The following RANBP2 variants were observed in gnomAD, a reference collection of about 807,000 sequenced individuals.
The protein encoded by RANBP2 is RAN binding protein 2, also known as E3 SUMO-protein ligase RanBP2.
Under a neutral mutation model 303.6 loss-of-function variants are expected in RANBP2, and 57 were observed. That is an observed-to-expected ratio of 0.19 (90% CI 0.15 to 0.23). RANBP2 has a LOEUF of 0.23. Among genes scored for constraint, RANBP2 ranks in the 10% least tolerant of loss-of-function variants. The probability of loss-of-function intolerance (pLI) is 1.00; values close to 1 mark genes in which losing one functional copy is unlikely to be tolerated. For missense variants in RANBP2, 3,138 were observed against 3,780.8 expected, an observed-to-expected ratio of 0.83 and a Z score of 4.46; for synonymous variants, 1,167 against 1,301.5, an observed-to-expected ratio of 0.90 and a Z score of 2.23.
the RANBP2 span, chr2:109,398,926 T>C: frequency 6.2e-7 from 1 of 1,612,230 alleles, no homozygotes; most frequent in Non-Finnish European, 8.5e-7. Flanking sequence ...TCATCTGTCG[T>C]GCGCTGCTCC....
chr2:109,116,197 G>A, the RANBP2 span, among the ~76,000 whole-genome samples: 1 of 152,232 alleles, frequency 6.6e-6, no homozygotes, highest in Admixed American at 6.5e-5. Flanking sequence ...GATTGGGGAA[G>A]TTCTCCTGGA....
chr2:108,804,829 G>T, the RANBP2 span: 1 of 1,374,096 alleles, frequency 7.3e-7, no homozygotes, highest in Non-Finnish European at 9.5e-7. Flanking sequence ...ACGTTCCATA[G>T]TATTAGTGAT....
the RANBP2 span, among the ~76,000 whole-genome samples, chr2:109,232,432 C>T: frequency 6.6e-6 from 1 of 152,198 alleles, no homozygotes; most frequent in Non-Finnish European, 1.5e-5. Flanking sequence ...TCTCTGAGCC[C>T]TGGTCTGCCT....
chr2:108,742,729 C>T (rs1365363713), intron 7 of RANBP2, among the ~76,000 whole-genome samples: 1 of 152,192 alleles, frequency 6.6e-6, no homozygotes, highest in Non-Finnish European at 1.5e-5. Flanking sequence ...GTGAGGTTCA[C>T]TAGGTAATAC....
At chr2:108,960,089 C>T in the RANBP2 span, among the ~76,000 whole-genome samples, 1 of 152,162 alleles carries the variant, frequency 6.6e-6, no homozygotes, top group Admixed American at 6.5e-5. Context: ...GCCTGTCCAC[C>T]CTGCACACCC....
chr2:108,935,379 T>C, the RANBP2 span, among the ~76,000 whole-genome samples: 1 of 152,184 alleles, frequency 6.6e-6, no homozygotes, highest in African/African-American at 2.4e-5. Flanking sequence ...TCATTAGAAA[T>C]GCAGAATCTC....
At chr2:109,014,822 C>T in the RANBP2 span, among the ~76,000 whole-genome samples, 5 of 152,104 alleles carry the variant, frequency 3.3e-5, no homozygotes, top group Non-Finnish European at 5.9e-5. Flanking sequence ...TCCTCATCTA[C>T]AAATAAAGAT....
chr2:109,536,752 C>G, the RANBP2 span, among the ~76,000 whole-genome samples: 2 of 152,064 alleles, frequency 1.3e-5, no homozygotes, highest in Admixed American at 6.6e-5. Flanking sequence ...TGAATTCCTA[C>G]GTATTGTGGG....
At chr2:108,792,831 G>A in the RANBP2 span, among the ~76,000 whole-genome samples, 4 of 152,150 alleles carry the variant, frequency 2.6e-5, no homozygotes, top group Non-Finnish European at 5.9e-5. Flanking sequence ...TTGGGAGGCC[G>A]AGGCGGGTGG....
the RANBP2 span, among the ~76,000 whole-genome samples, chr2:109,005,072 C>G: frequency 1.3e-5 from 2 of 152,210 alleles, no homozygotes; most frequent in African/African-American, 4.8e-5. Flanking sequence ...CCCCTGGCCT[C>G]TTCACTAGTC....
chr2:109,081,692 G>A, the RANBP2 span, among the ~76,000 whole-genome samples: 31,279 of 152,036 alleles, frequency 0.21, 5,134 homozygotes, highest in East Asian at 0.64. Flanking sequence ...CACCTGCTGT[G>A]GTAACTCATT....
At position 108,766,107 on chromosome 2, in the gene RANBP2, G is replaced by A; in HGVS notation, c.5568G>A (p.Glu1856=). ...AAGCTTCTAAGTTTGGCAATACAGAGCAAGGATTCAAATTTGGGCATGTGG... is the reference window on the plus strand; with the variant it reads ...AAGCTTCTAAGTTTGGCAATACAGAACAAGGATTCAAATTTGGGCATGTGG... ...SEKASKFGNT[E]QGFKFGHVDQ... The change falls in exon 20 of 29, where the codon GAG becomes GAA. Residue 1856 remains glutamate (E), a synonymous_variant. Coordinates refer to ENST00000283195, the MANE Select transcript of RANBP2 (RefSeq NM_006267.5). 3.7e-6 allele frequency: 6 copies of A among 1,614,048 alleles called. No individual in the cohort carries two copies. The highest frequency in any genetic ancestry group is 5.1e-6 in the Non-Finnish European group (6 of 1,180,002).
At chr2:109,250,283 C>T in the RANBP2 span, among the ~76,000 whole-genome samples, 1 of 152,102 alleles carries the variant, frequency 6.6e-6, no homozygotes, top group East Asian at 1.9e-4. Flanking sequence ...CTGGGGAAGA[C>T]ATCTCGCCCA....
chr2:109,136,468 A>G, the RANBP2 span, among the ~76,000 whole-genome samples: 1 of 152,196 alleles, frequency 6.6e-6, no homozygotes, highest in Non-Finnish European at 1.5e-5. Flanking sequence ...CAGGCACCCC[A>G]TAATGTGAGC....
At chr2:109,427,388 C>T in the RANBP2 span, among the ~76,000 whole-genome samples, 9 of 152,138 alleles carry the variant, frequency 5.9e-5, no homozygotes, top group Admixed American at 3.3e-4. Context: ...ACCAAAAATT[C>T]GGGTGACAGT....
the RANBP2 span, among the ~76,000 whole-genome samples, chr2:109,505,091 G>C: frequency 2.0e-5 from 3 of 152,178 alleles, no homozygotes; most frequent in African/African-American, 7.2e-5. Context: ...TGTCTCTCTG[G>C]CCCTTGGGGC....
chr2:108,791,746 A>T, the RANBP2 span: 4 of 1,605,874 alleles, frequency 2.5e-6, no homozygotes, highest in East Asian at 4.5e-5. Flanking sequence ...ATTGAAAATG[A>T]TTATAGAGTT....
the RANBP2 span, among the ~76,000 whole-genome samples, chr2:109,512,021 G>A: frequency 6.6e-6 from 1 of 152,182 alleles, no homozygotes; most frequent in African/African-American, 2.4e-5. Context: ...TGAGCTGAGT[G>A]CCAGACCCAT....
the RANBP2 span, among the ~76,000 whole-genome samples, chr2:109,533,303 G>T: frequency 6.6e-6 from 1 of 152,240 alleles, no homozygotes; most frequent in South Asian, 2.1e-4. Flanking sequence ...GCTGACCTGG[G>T]GATCCCATGA....
Sources: gnomAD v4.1 joint callset for allele counts (sites outside exome capture counted in the v4.1 genomes callset) on GRCh38, gnomAD v4.1.1 for gene constraint, MANE v1.5 for transcripts, NCBI Gene and HGNC (gene_info 2026-07-23, HGNC 2026-07-21) for gene names.